Variants in SLIT3 observed in about 807,000 individuals in gnomAD.
The protein encoded by SLIT3 is slit homolog 3 protein.
A neutral mutation model predicts 184.0 loss-of-function variants in SLIT3; 68 were observed. That is an observed-to-expected ratio of 0.37 (90% CI 0.30 to 0.45). The LOEUF is 0.45. SLIT3 is among the 20% of genes least tolerant of loss of function. The pLI is 1.00. For synonymous variants in SLIT3, 831 were observed against 828.6 expected (o/e 1.00, Z -0.05); for missense variants, 1,707 against 2,026.0 (o/e 0.84, Z 3.02).
intron 1 of SLIT3, among the ~76,000 whole-genome samples, chr5:169,252,357 C>A (rs1765805900): frequency 6.6e-6 from 1 of 152,086 alleles, no homozygotes; most frequent in Non-Finnish European, 1.5e-5. Flanking sequence ...CTGAATATAG[C>A]CCCAAAGAGA....
chr5:168,670,066 G>A (rs1761190167), intron 34 of SLIT3, 75 bp from the exon 35 acceptor site: 4 of 1,302,450 alleles, frequency 3.1e-6, no homozygotes, highest in Admixed American at 3.7e-5. Flanking sequence ...TGTCCACCCA[G>A]CCAGGGACCA....
At chr5:169,203,580 T>C (rs1763971909) in intron 3 of SLIT3, among the ~76,000 whole-genome samples, 1 of 152,168 alleles carries the variant, frequency 6.6e-6, no homozygotes, top group African/African-American at 2.4e-5. Flanking sequence ...CCTGGATCTC[T>C]TTTGAGATTT....
At chr5:168,865,241 G>A (rs1157355580) in intron 5 of SLIT3, among the ~76,000 whole-genome samples, 2 of 150,402 alleles carry the variant, frequency 1.3e-5, no homozygotes, top group Non-Finnish European at 1.5e-5. Context: ...AAGTATTTAC[G>A]TGAGGGAAAT....
chr5:169,092,769 G>T (rs1759639603), intron 4 of SLIT3, among the ~76,000 whole-genome samples: 1 of 152,174 alleles, frequency 6.6e-6, no homozygotes, highest in Non-Finnish European at 1.5e-5. Context: ...TCCCTTTGTG[G>T]TCTTGGTGTA....
chr5:168,819,280 T>C (rs1438286055), intron 7 of SLIT3, among the ~76,000 whole-genome samples: 2 of 152,218 alleles, frequency 1.3e-5, no homozygotes, highest in African/African-American at 4.8e-5. Flanking sequence ...TCATTAAGCA[T>C]TAACCACTTT....
intron 28 of SLIT3, among the ~76,000 whole-genome samples, chr5:168,694,291 A>G (rs1761989844): frequency 1.3e-5 from 2 of 151,992 alleles, no homozygotes; most frequent in Non-Finnish European, 2.9e-5. Flanking sequence ...TGCCCTCTCC[A>G]TTTTCACTAC....
chr5:169,157,222 CT>C (rs1394212185), intron 4 of SLIT3, among the ~76,000 whole-genome samples: 1 of 151,878 alleles, frequency 6.6e-6, no homozygotes, highest in African/African-American at 2.4e-5. Context: ...TCCACGCCCA[CT>C]TGGCAACAGA....
chr5:168,737,185 G>A (rs1300323004), intron 20 of SLIT3, among the ~76,000 whole-genome samples: 3 of 152,004 alleles, frequency 2.0e-5, no homozygotes, highest in Non-Finnish European at 2.9e-5. Context: ...CATCTGCTGC[G>A]TCGCACTCCC....
intron 32 of SLIT3, among the ~76,000 whole-genome samples, chr5:168,676,070 A>G (rs1163546235): frequency 6.6e-6 from 1 of 150,496 alleles, no homozygotes; most frequent in African/African-American, 2.5e-5. Context: ...ATCCCATCAC[A>G]TCCATCCATC....
chr5:168,855,424 T>A (rs535387764), intron 5 of SLIT3, among the ~76,000 whole-genome samples: 1 of 152,306 alleles, frequency 6.6e-6, no homozygotes, highest in East Asian at 1.9e-4. Flanking sequence ...CACACAAATG[T>A]TCATAGTGGC....
At chr5:169,179,587 T>C (rs892970136) in intron 4 of SLIT3, among the ~76,000 whole-genome samples, 1 of 152,146 alleles carries the variant, frequency 6.6e-6, no homozygotes, top group Non-Finnish European at 1.5e-5. Flanking sequence ...GGCTGTTTCT[T>C]TCTCTTTGGT....
chr5:169,271,845 G>A (rs1017725787), intron 1 of SLIT3, among the ~76,000 whole-genome samples: 7 of 152,166 alleles, frequency 4.6e-5, no homozygotes, highest in Admixed American at 2.6e-4. Flanking sequence ...AGGCCTTGCC[G>A]TAGACCCTAT....
chr5:168,940,427 T>TA (rs1762293646), intron 4 of SLIT3, among the ~76,000 whole-genome samples: 1 of 152,194 alleles, frequency 6.6e-6, no homozygotes, highest in Non-Finnish European at 1.5e-5. Flanking sequence ...CTATTATTTC[T>TA]ATTTAAATGA....
chr5:169,042,459 T>TA (rs1298534551), intron 4 of SLIT3, among the ~76,000 whole-genome samples: 1 of 152,232 alleles, frequency 6.6e-6, no homozygotes, highest in African/African-American at 2.4e-5. Context: ...ACGGATGTGC[T>TA]AAAAGGGTTC....
At chr5:169,080,690 A>G (rs1758999212) in intron 4 of SLIT3, among the ~76,000 whole-genome samples, 1 of 152,138 alleles carries the variant, frequency 6.6e-6, no homozygotes, top group South Asian at 2.1e-4. Context: ...TCTACCATAC[A>G]GCCAACTCTG....
At chr5:168,727,319 CAAAAAAAAAGAAAAA>C (rs901315421) in intron 20 of SLIT3, among the ~76,000 whole-genome samples, 50 of 144,574 alleles carry the variant, frequency 3.5e-4, no homozygotes, top group African/African-American at 1.3e-3. Context: ...GACTCCGTCT[CAAAAAAAAAGAAAAA>C]GAAAAAAAAG....
Position 168,685,948 on chromosome 5 carries a change from G to C in SLIT3, c.3315-21C>G, listed in dbSNP as rs79309067. 1.0e-5 allele frequency: 16 copies of C among 1,593,108 alleles called. 1 individual carries two copies. The highest frequency in any genetic ancestry group is 1.1e-5 in the Non-Finnish European group (13 of 1,168,142). ...GTCCACTGGAAGGCAGGAGAGAATG[G>C]GGAGGGAGATAGGAGAATGGCCAAG... On this transcript the variant is annotated intron_variant, in intron 30 of 35. Coordinates refer to ENST00000519560, the MANE Select transcript of SLIT3 (RefSeq NM_003062.4).
At chr5:168,757,330 G>A (rs1754983426) in intron 16 of SLIT3, among the ~76,000 whole-genome samples, 1 of 152,190 alleles carries the variant, frequency 6.6e-6, no homozygotes, top group Non-Finnish European at 1.5e-5. Flanking sequence ...CTCACTGCTA[G>A]CTATTATTAT....
At chr5:168,927,437 G>T (rs1343085626) in intron 4 of SLIT3, among the ~76,000 whole-genome samples, 1 of 152,132 alleles carries the variant, frequency 6.6e-6, no homozygotes, top group Non-Finnish European at 1.5e-5. Flanking sequence ...TCTGAAGATT[G>T]GTGGTACGAC....
Sources: gnomAD v4.1 joint callset for allele counts (sites outside exome capture counted in the v4.1 genomes callset) on GRCh38, gnomAD v4.1.1 for gene constraint, MANE v1.5 for transcripts, NCBI Gene and HGNC (gene_info 2026-07-23, HGNC 2026-07-21) for gene names.